Variants in GRB10 observed in about 807,000 individuals in gnomAD.
GRB10 encodes growth factor receptor bound protein 10.
In GRB10, 20 loss-of-function variants were observed where a neutral mutation model predicts 80.9. The ratio of observed to expected loss-of-function variants is 0.25; its 90% CI spans 0.17 to 0.36. The LOEUF is 0.36. Among genes scored for constraint, GRB10 ranks in the 10% least tolerant of loss-of-function variants. GRB10 has a pLI of 1.00. For missense variants in GRB10, 548 were observed against 747.7 expected, an observed-to-expected ratio of 0.73 and a Z score of 3.12; for synonymous variants, 291 against 291.5, an observed-to-expected ratio of 1.00 and a Z score of 0.02.
At chr7:50,735,868 G>T (rs1372388221) in intron 3 of GRB10, among the ~76,000 whole-genome samples, 1 of 150,968 alleles carries the variant, frequency 6.6e-6, no homozygotes, top group Non-Finnish European at 1.5e-5. Flanking sequence ...TAAACTACAG[G>T]AAAAAAAACA....
intron 4 of GRB10, chr7:50,729,288 T>A (rs2069209722): frequency 6.6e-6 from 1 of 152,248 alleles, no homozygotes; most frequent in African/African-American, 2.4e-5. Flanking sequence ...AACAGTAAAT[T>A]TAATCACCTA....
intron 3 of GRB10, among the ~76,000 whole-genome samples, chr7:50,743,272 T>C (rs2072229911): frequency 6.6e-6 from 1 of 152,250 alleles, no homozygotes; most frequent in African/African-American, 2.4e-5. Flanking sequence ...TTTTTTATTC[T>C]CAGCAGTTTG....
intron 8 of GRB10, among the ~76,000 whole-genome samples, chr7:50,626,486 C>T (rs1003378253): frequency 7.9e-5 from 12 of 152,314 alleles, no homozygotes; most frequent in African/African-American, 2.9e-4. Context: ...AGGGCACCTC[C>T]CTCCTGTCCC....
At chr7:50,783,928 A>C (rs1188197188), upstream of GRB10, among the ~76,000 whole-genome samples, 1 of 152,194 alleles carries the variant, frequency 6.6e-6, no homozygotes, top group Non-Finnish European at 1.5e-5. Context: ...AAAAGTGCAG[A>C]TATGCACTCC....
intron 5 of GRB10, among the ~76,000 whole-genome samples, chr7:50,699,537 T>C (rs1047597936): frequency 6.6e-6 from 1 of 152,226 alleles, no homozygotes; most frequent in African/African-American, 2.4e-5. Flanking sequence ...CCTTTAATTC[T>C]GACATATTCA....
chr7:50,623,986 G>A (rs979761434), intron 8 of GRB10, among the ~76,000 whole-genome samples: 3 of 152,132 alleles, frequency 2.0e-5, no homozygotes, highest in Admixed American at 2.0e-4. Context: ...TTTTGGATTA[G>A]GGATACTCAA....
chr7:50,724,505 T>C (rs1161742254), intron 4 of GRB10, among the ~76,000 whole-genome samples: 2 of 152,196 alleles, frequency 1.3e-5, no homozygotes, highest in South Asian at 4.1e-4. Context: ...TGAAGAGACC[T>C]TCCTTCAAAA....
chr7:50,773,880 C>G (rs569001864), intron 2 of GRB10, among the ~76,000 whole-genome samples: 2 of 152,162 alleles, frequency 1.3e-5, no homozygotes, highest in Non-Finnish European at 1.5e-5. Context: ...TATTTTGAGA[C>G]GAAGTCTCGC....
intron 4 of GRB10, among the ~76,000 whole-genome samples, chr7:50,704,831 CA>C (rs2064816168): frequency 6.6e-6 from 1 of 152,222 alleles, no homozygotes; most frequent in African/African-American, 2.4e-5. Flanking sequence ...GCTCTCGCCA[CA>C]GAGGCGGCCA....
At chr7:50,754,482 C>G (rs189472829) in intron 3 of GRB10, among the ~76,000 whole-genome samples, 1 of 152,114 alleles carries the variant, frequency 6.6e-6, no homozygotes, top group East Asian at 1.9e-4. Flanking sequence ...GCAGGAGGCT[C>G]CAGCTCCCTC....
intron 7 of GRB10, among the ~76,000 whole-genome samples, chr7:50,631,962 G>A (rs2054081155): frequency 2.0e-5 from 3 of 152,174 alleles, no homozygotes; most frequent in Admixed American, 6.5e-5. Context: ...TACCCAGCGT[G>A]TACCAGGTGG....
intron 3 of GRB10, among the ~76,000 whole-genome samples, chr7:50,751,087 G>A (rs576404806): frequency 6.6e-6 from 1 of 152,234 alleles, no homozygotes; most frequent in African/African-American, 2.4e-5. Flanking sequence ...TGACCAACAA[G>A]AGAGACGCCA....
At chr7:50,684,269 A>AC (rs2061861167) in intron 5 of GRB10, among the ~76,000 whole-genome samples, 1 of 142,644 alleles carries the variant, frequency 7.0e-6, no homozygotes, top group Non-Finnish European at 1.5e-5. Context: ...ATCATCACCA[A>AC]AAAAAAAAAA....
intron 7 of GRB10, among the ~76,000 whole-genome samples, chr7:50,628,522 G>A (rs1033225461): frequency 2.0e-5 from 3 of 151,968 alleles, no homozygotes; most frequent in Non-Finnish European, 4.4e-5. Flanking sequence ...GTCACCCGGT[G>A]GGCAGGAAGG....
chr7:50,660,413 G>T (rs1015368180), intron 7 of GRB10, among the ~76,000 whole-genome samples: 1 of 152,178 alleles, frequency 6.6e-6, no homozygotes, highest in South Asian at 2.1e-4. Flanking sequence ...CGTTCACACG[G>T]CAAGAGGGGA....
intron 11 of GRB10, 72 bp downstream of exon 11, chr7:50,616,138 G>T: frequency 6.4e-7 from 1 of 1,570,358 alleles, no homozygotes; most frequent in Non-Finnish European, 8.8e-7. Context: ...TGAAGCCCAG[G>T]TTCACTCTGA....
At chr7:50,784,130 T>C (rs574569878), upstream of GRB10, among the ~76,000 whole-genome samples, 9 of 152,304 alleles carry the variant, frequency 5.9e-5, no homozygotes, top group Non-Finnish European at 1.0e-4. Context: ...GCAAGAAACA[T>C]TGAAGGTGTT....
chr7:50,748,918 A>G (rs1425820013), intron 3 of GRB10, among the ~76,000 whole-genome samples: 1 of 152,212 alleles, frequency 6.6e-6, no homozygotes, highest in Non-Finnish European at 1.5e-5. Flanking sequence ...GCCATAAGAA[A>G]TCAGAACCTC....
chr7:50,729,605 C>G (rs967482398), intron 4 of GRB10, among the ~76,000 whole-genome samples: 3 of 152,074 alleles, frequency 2.0e-5, no homozygotes, highest in Non-Finnish European at 2.9e-5. Context: ...CCAGGCAGAC[C>G]CTGTGTTCGG....
Sources: gnomAD v4.1 joint callset for allele counts (sites outside exome capture counted in the v4.1 genomes callset) on GRCh38, gnomAD v4.1.1 for gene constraint, MANE v1.5 for transcripts, NCBI Gene and HGNC (gene_info 2026-07-23, HGNC 2026-07-21) for gene names.